FAM168A: variants seen among roughly 807,000 people sequenced by gnomAD.
FAM168A encodes family with sequence similarity 168 member A.
In FAM168A, 3 loss-of-function variants were observed where a neutral mutation model predicts 28.5. The ratio of observed to expected loss-of-function variants is 0.11; its 90% CI spans 0.05 to 0.27. The LOEUF is 0.27. Among genes scored for constraint, FAM168A ranks in the 10% least tolerant of loss-of-function variants. FAM168A has a pLI of 1.00. For missense variants in FAM168A, 222 were observed against 311.5 expected, an observed-to-expected ratio of 0.71 and a Z score of 2.16; for synonymous variants, 122 against 124.2, an observed-to-expected ratio of 0.98 and a Z score of 0.12.
intron 1 of FAM168A, among the ~76,000 whole-genome samples, chr11:73,481,966 G>A (rs1320363489): frequency 6.6e-6 from 1 of 152,088 alleles, no homozygotes. Context: ...AGCCATGTGA[G>A]GACACAGCAT....
At chr11:73,468,078 T>A (rs1188819846) in intron 2 of FAM168A, among the ~76,000 whole-genome samples, 1 of 152,212 alleles carries the variant, frequency 6.6e-6, no homozygotes, top group Admixed American at 6.5e-5. Flanking sequence ...TTTAAAAAAA[T>A]TAACAGGCAT....
intron 2 of FAM168A, among the ~76,000 whole-genome samples, chr11:73,445,283 A>G (rs998075735): frequency 6.6e-6 from 1 of 151,828 alleles, no homozygotes; most frequent in Admixed American, 6.6e-5. Context: ...AGATTATATT[A>G]TCGGTCGGAC....
chr11:73,474,848 G>GT (rs1185929955), intron 1 of FAM168A, among the ~76,000 whole-genome samples: 7 of 152,180 alleles, frequency 4.6e-5, no homozygotes, highest in Non-Finnish European at 1.0e-4. Context: ...GCTTCAAGAT[G>GT]TTTGGCATTT....
chr11:73,407,344 T>G lies in FAM168A; in HGVS notation c.*18+169A>C, dbSNP rs1866524023. 2.0e-5 allele frequency among the ~76,000 whole-genome samples: 3 copies of G among 152,200 alleles called. No individual in the cohort carries two copies. The South Asian group carries it at 6.2e-4, about 32-fold the overall frequency. On this transcript the variant is annotated intron_variant, in intron 7 of 7. Transcript: ENST00000356467. ...TTCAACAAGCAGTCAACAGAAGTGA[T>G]AGCTATTATTAAGAGTGATATTATG...
At chr11:73,472,580 G>A (rs891204114) in intron 1 of FAM168A, among the ~76,000 whole-genome samples, 13 of 152,222 alleles carry the variant, frequency 8.5e-5, no homozygotes, top group African/African-American at 3.1e-4. Context: ...AGAAGAGGTA[G>A]ATTGTTGTGC....
chr11:73,588,040 G>A (rs942976123), intron 1 of FAM168A, among the ~76,000 whole-genome samples: 1 of 151,958 alleles, frequency 6.6e-6, no homozygotes, highest in Admixed American at 6.6e-5. Flanking sequence ...GTGAGCCACC[G>A]CACCGAGCCT....
At chr11:73,435,585 CTTAT>C (rs1024241564) in intron 2 of FAM168A, among the ~76,000 whole-genome samples, 12 of 152,064 alleles carry the variant, frequency 7.9e-5, no homozygotes, top group Middle Eastern at 3.4e-3. Flanking sequence ...TCTTACTTTA[CTTAT>C]TTATTTATTT....
chr11:73,501,214 A>G (rs949762448), intron 1 of FAM168A, among the ~76,000 whole-genome samples: 17 of 152,222 alleles, frequency 1.1e-4, no homozygotes, highest in African/African-American at 4.1e-4. Flanking sequence ...GAGACCTACA[A>G]AGATACTTAG....
chr11:73,552,727 T>A (rs1241104858), intron 1 of FAM168A, among the ~76,000 whole-genome samples: 1 of 152,138 alleles, frequency 6.6e-6, no homozygotes, highest in Non-Finnish European at 1.5e-5. Context: ...GAGGCCAAGA[T>A]GGGTGGATCC....
intron 1 of FAM168A, among the ~76,000 whole-genome samples, chr11:73,594,283 T>G (rs988552143): frequency 9.3e-5 from 14 of 150,876 alleles, no homozygotes; most frequent in African/African-American, 3.4e-4. Context: ...TTTTTTTTTG[T>G]GGAGACGGGT....
intron 1 of FAM168A, among the ~76,000 whole-genome samples, chr11:73,493,489 C>T (rs960699846): frequency 2.6e-5 from 4 of 152,148 alleles, no homozygotes; most frequent in African/African-American, 4.8e-5. Flanking sequence ...CTCAGCTCAC[C>T]GCAACCTCTG....
intron 1 of FAM168A, among the ~76,000 whole-genome samples, chr11:73,493,224 A>C (rs1854795340): frequency 6.6e-6 from 1 of 152,210 alleles, no homozygotes; most frequent in South Asian, 2.1e-4. Context: ...GTGGCAGACA[A>C]AATGAGAGAA....
In FAM168A at chr11:73,416,153, C is replaced by A. The variant is rs1468046959; in HGVS notation, c.277+3721G>T. 1.7e-4 allele frequency among the ~76,000 whole-genome samples: 26 copies of A among 152,320 alleles called. No individual in the cohort carries two copies. The East Asian group carries it at 4.6e-3, about 27-fold the overall frequency. On this transcript the variant is annotated intron_variant, in intron 4 of 7. Coordinates refer to ENST00000356467, the MANE Select transcript of FAM168A (RefSeq NM_015159.3). ...TAGATCACTCGAAGTCCCAGCTCTG[C>A]CTTATAAAAGAGGCTTTGTTTATGA... is the stretch of plus-strand genomic sequence containing the variant.
At chr11:73,418,693 A>G (rs993302236) in intron 4 of FAM168A, among the ~76,000 whole-genome samples, 3 of 152,238 alleles carry the variant, frequency 2.0e-5, no homozygotes, top group Non-Finnish European at 4.4e-5. Flanking sequence ...TCCAGCCCTC[A>G]CAACTTAAGA....
chr11:73,474,811 C>T (rs376247257), intron 1 of FAM168A, among the ~76,000 whole-genome samples: 3 of 152,176 alleles, frequency 2.0e-5, no homozygotes, highest in African/African-American at 7.2e-5. Flanking sequence ...ATCTTTCATG[C>T]TTCTCCAAAA....
At chr11:73,508,561 G>A (rs765092999) in intron 1 of FAM168A, among the ~76,000 whole-genome samples, 1 of 150,736 alleles carries the variant, frequency 6.6e-6, no homozygotes, top group Non-Finnish European at 1.5e-5. Flanking sequence ...GCGTGGGTGC[G>A]TGTGTGTGTG....
chr11:73,430,900 A>G, intron 2 of FAM168A, 130 bp from the exon 3 acceptor site: 1 of 662,832 alleles, frequency 1.5e-6, no homozygotes, highest in Non-Finnish European at 2.5e-6. Context: ...CAGTCTCTCC[A>G]TGGGCTATTC....
rs186157871 is a variant in FAM168A at position 73,562,990 on chromosome 11, T to C, written c.-19+34933A>G. ...TTCAATGGGACATCACCATAATATA[T>C]AGTATCCTCGTGACCAGTATTTCTA... is the stretch of plus-strand genomic sequence containing the variant. On this transcript the variant is annotated intron_variant, in intron 1 of 7. Coordinates refer to ENST00000356467, the MANE Select transcript of FAM168A (RefSeq NM_015159.3). 2.9e-4 allele frequency among the ~76,000 whole-genome samples: 44 copies of C among 152,326 alleles called. 1 individual carries two copies. The highest frequency in any genetic ancestry group is 8.3e-4 in the South Asian group (4 of 4,828).
chr11:73,525,969 AAAAT>A (rs982869669), intron 1 of FAM168A, among the ~76,000 whole-genome samples: 2 of 152,244 alleles, frequency 1.3e-5, no homozygotes, highest in African/African-American at 4.8e-5. Context: ...GAAAACTCAG[AAAAT>A]AAATTTTAAC....
Sources: gnomAD v4.1 joint callset for allele counts (sites outside exome capture counted in the v4.1 genomes callset) on GRCh38, gnomAD v4.1.1 for gene constraint, MANE v1.5 for transcripts, NCBI Gene and HGNC (gene_info 2026-07-23, HGNC 2026-07-21) for gene names.